SP140L: variants seen among roughly 807,000 people sequenced by gnomAD.
The protein encoded by SP140L is SP140 like nuclear body protein.
SP140L carries 64 observed loss-of-function variants against 84.3 expected under a neutral mutation model. That is an observed-to-expected ratio of 0.76 (90% CI 0.62 to 0.94). The LOEUF (loss-of-function observed/expected upper bound fraction) is 0.94, where lower values mean the gene tolerates loss of function less well. SP140L is among the 40% of genes least tolerant of loss of function. The probability of loss-of-function intolerance (pLI) is 0.00; values close to 1 mark genes in which losing one functional copy is unlikely to be tolerated. For synonymous variants in SP140L, 242 were observed against 236.9 expected (o/e 1.02, Z -0.20); for missense variants, 628 against 692.5 (o/e 0.91, Z 1.05).
chr2:230,400,055 C>G (rs2062240681), intron 14 of SP140L, 72 bp from the exon 15 acceptor site: 1 of 1,532,126 alleles, frequency 6.5e-7, no homozygotes, highest in South Asian at 1.1e-5. Context: ...GCAGTGTGTT[C>G]TAGATGCCCA....
At chr2:230,353,724 T>C (rs568460209) in intron 2 of SP140L, among the ~76,000 whole-genome samples, 2 of 152,250 alleles carry the variant, frequency 1.3e-5, no homozygotes, top group African/African-American at 4.8e-5. Context: ...GATCATTTCT[T>C]CATGTATATT....
At chr2:230,362,537 A>G (rs888249761) in intron 5 of SP140L, among the ~76,000 whole-genome samples, 1 of 151,928 alleles carries the variant, frequency 6.6e-6, no homozygotes, top group African/African-American at 2.4e-5. Flanking sequence ...GAGAGAGAGA[A>G]GGAAGGAGGG....
chr2:230,389,961 C>G lies in SP140L; in HGVS notation c.902C>G (p.Pro301Arg), dbSNP rs1296527526. The G allele has an allele frequency of 6.2e-7, 1 of 1,613,690 alleles. No homozygotes were observed. The highest frequency in any genetic ancestry group is 8.5e-7 in the Non-Finnish European group (1 of 1,179,802). The change falls in exon 11 of 19, where the codon CCT becomes CGT. Residue 301 changes from proline to arginine, a missense_variant. This residue lies in a region of SP140L where 525 missense variants were observed against 518.4 expected (regional missense o/e 1.01). Transcript: ENST00000415673. Reference sequence around the variant, plus strand: ...GATGAAACTGTGGATTTTCAGGCTCCTTTACTTCCAGTGACCTGTGGTGGG... The same window carrying G: ...GATGAAACTGTGGATTTTCAGGCTCGTTTACTTCCAGTGACCTGTGGTGGG... ...HKDETVDFQA[P>R]LLPVTCGGVK...
chr2:230,364,482 T>A (rs2060810061), intron 5 of SP140L, among the ~76,000 whole-genome samples: 1 of 152,134 alleles, frequency 6.6e-6, no homozygotes, highest in South Asian at 2.1e-4. Flanking sequence ...ACAGATTTTT[T>A]ATGTTGATTT....
intron 2 of SP140L, among the ~76,000 whole-genome samples, chr2:230,340,986 C>G (rs879941856): frequency 2.7e-3 from 290 of 108,374 alleles, no homozygotes; most frequent in Admixed American, 3.3e-3. Context: ...TTGCTCTTCT[C>G]GAGGAGTATC....
intron 11 of SP140L, 81 bp from the exon 12 acceptor site, chr2:230,392,006 C>G (rs961057360): frequency 3.5e-5 from 56 of 1,583,400 alleles, no homozygotes; most frequent in Non-Finnish European, 4.3e-5. Flanking sequence ...TTGGGTGGCT[C>G]TAGATCCAAT....
chr2:230,329,141 C>T (rs1347685040), intron 2 of SP140L, among the ~76,000 whole-genome samples: 1 of 152,294 alleles, frequency 6.6e-6, no homozygotes, highest in Non-Finnish European at 1.5e-5. Flanking sequence ...CAGATGCACC[C>T]TCATTATAAA....
chr2:230,334,011 G>A (rs116112808), intron 2 of SP140L, among the ~76,000 whole-genome samples: 1,949 of 152,066 alleles, frequency 0.013, 20 homozygotes, highest in Non-Finnish European at 0.021. Context: ...GGTTTCTTTC[G>A]CAGCTCCTGC....
intron 2 of SP140L, among the ~76,000 whole-genome samples, chr2:230,350,744 G>C (rs893340808): frequency 2.6e-5 from 4 of 152,062 alleles, no homozygotes; most frequent in Non-Finnish European, 5.9e-5. Flanking sequence ...GGGAGTATGG[G>C]GGCAGGATGG....
At chr2:230,379,541 A>G (rs2061344024) in intron 7 of SP140L, among the ~76,000 whole-genome samples, 1 of 152,152 alleles carries the variant, frequency 6.6e-6, no homozygotes, top group African/African-American at 2.4e-5. Flanking sequence ...GTTGATATTT[A>G]CTTAAATCAA....
At chr2:230,352,396 G>T (rs937539821) in intron 2 of SP140L, among the ~76,000 whole-genome samples, 2 of 152,162 alleles carry the variant, frequency 1.3e-5, no homozygotes, top group African/African-American at 4.8e-5. Context: ...ATGGTAGAGG[G>T]TGAAGGGAAG....
intron 2 of SP140L, among the ~76,000 whole-genome samples, chr2:230,350,095 A>T (rs1469661787): frequency 6.6e-6 from 1 of 152,200 alleles, no homozygotes; most frequent in African/African-American, 2.4e-5. Context: ...ACCCAAAAAA[A>T]TGGTAAAAAG....
intron 14 of SP140L, among the ~76,000 whole-genome samples, chr2:230,398,070 G>T (rs1460351189): frequency 6.6e-6 from 1 of 152,022 alleles, no homozygotes; most frequent in South Asian, 2.1e-4. Flanking sequence ...GCATCTTGGA[G>T]TCACCTGAAG....
At chr2:230,353,879 CTCAA>C (rs2060440196) in intron 2 of SP140L, among the ~76,000 whole-genome samples, 1 of 152,054 alleles carries the variant, frequency 6.6e-6, no homozygotes, top group Admixed American at 6.5e-5. Context: ...TCTGATTTCA[CTCAA>C]TCAGTAGTTA....
intron 7 of SP140L, among the ~76,000 whole-genome samples, chr2:230,381,149 G>A (rs2061392771): frequency 2.0e-5 from 3 of 152,152 alleles, no homozygotes; most frequent in South Asian, 4.1e-4. Context: ...CTAGCTAGGC[G>A]ACTGCTAGCA....
At chr2:230,352,995 A>G (rs1397468718) in intron 2 of SP140L, among the ~76,000 whole-genome samples, 3 of 152,066 alleles carry the variant, frequency 2.0e-5, no homozygotes, top group Admixed American at 6.6e-5. Context: ...TTTATTTCAT[A>G]TAGAGTTTTT....
chr2:230,354,848 G>GAAAGAAAGAAA (rs1456031529), intron 2 of SP140L, among the ~76,000 whole-genome samples: 5 of 108,836 alleles, frequency 4.6e-5, no homozygotes, highest in African/African-American at 1.1e-4. Context: ...AAGAAAGAAA[G>GAAAGAAAGAAA]GAAAGAAAGA....
chr2:230,336,911 T>C (rs1371507734), intron 2 of SP140L, among the ~76,000 whole-genome samples: 1 of 152,234 alleles, frequency 6.6e-6, no homozygotes, highest in East Asian at 1.9e-4. Context: ...GTTTCTGATG[T>C]CAGTTTTGCC....
intron 12 of SP140L, among the ~76,000 whole-genome samples, chr2:230,392,958 T>C (rs147571803): frequency 6.6e-6 from 1 of 152,298 alleles, no homozygotes; most frequent in Non-Finnish European, 1.5e-5. Flanking sequence ...TTTCACTATT[T>C]ATATTTATCC....
Sources: gnomAD v4.1 joint callset for allele counts (sites outside exome capture counted in the v4.1 genomes callset) on GRCh38, gnomAD v4.1.1 for gene constraint, gnomAD v4.1.1 regional missense constraint, MANE v1.5 for transcripts, NCBI Gene and HGNC (gene_info 2026-07-23, HGNC 2026-07-21) for gene names.